The following WDFY4 variants were observed in gnomAD, a reference collection of about 807,000 sequenced individuals.
WDFY4 encodes WDFY family member 4.
A neutral mutation model predicts 351.9 loss-of-function variants in WDFY4; 169 were observed. The observed-to-expected ratio is 0.48, with a 90% CI of 0.42 to 0.55. WDFY4 has a LOEUF of 0.55. WDFY4 is among the 20% of genes least tolerant of loss of function. WDFY4 has a pLI of 0.00. For missense variants in WDFY4, 3,803 were observed against 3,935.6 expected (o/e 0.97, Z 0.90); for synonymous variants, 1,622 against 1,574.6 (o/e 1.03, Z -0.71).
At chr10:48,819,154 A>G (rs1254156748) in intron 32 of WDFY4, among the ~76,000 whole-genome samples, 1 of 152,192 alleles carries the variant, frequency 6.6e-6, no homozygotes, top group African/African-American at 2.4e-5. Context: ...TCTGGCCCAG[A>G]GTCACATCCC....
In WDFY4 at chr10:48,812,618, C is replaced by T. The variant is rs193102187; in HGVS notation, c.5214+910C>T. Among the ~76,000 whole-genome samples the T allele has an allele frequency of 1.9e-3, 287 of 152,316 alleles. 1 individual carries two copies. The highest frequency in any genetic ancestry group is 2.0e-3 in the Non-Finnish European group (135 of 68,020). ...CCTTGATAACACTCCTGACCAAATG[C>T]TGCCTATTGATCACTTTCCTATCCT... is the stretch of plus-strand genomic sequence containing the variant. On this transcript the variant is annotated intron_variant, in intron 30 of 61. Transcript: ENST00000325239.
chr10:48,811,313 G>A (rs192119704), intron 29 of WDFY4, among the ~76,000 whole-genome samples: 29 of 152,314 alleles, frequency 1.9e-4, no homozygotes, highest in African/African-American at 6.7e-4. Flanking sequence ...CCTCCTACAT[G>A]GTGGGCAGCA....
Position 48,727,666 on chromosome 10 carries a change from G to A in WDFY4, c.971+7G>A. ...TGCTCAAAGTGTTACTTCGGTAAGTGGCTGTGTTTGGTACGGGGAGAGCAC... is the reference window on the plus strand; with the variant it reads ...TGCTCAAAGTGTTACTTCGGTAAGTAGCTGTGTTTGGTACGGGGAGAGCAC... On this transcript the variant is annotated splice_region_variant and intron_variant, in intron 7 of 61. Coordinates refer to ENST00000325239, the MANE Select transcript of WDFY4 (RefSeq NM_001394531.1). 5.8e-6 allele frequency: 9 copies of A among 1,551,770 alleles called. No homozygotes were observed. The highest frequency in any genetic ancestry group is 7.8e-6 in the Non-Finnish European group (9 of 1,146,926).
Position 48,834,026 on chromosome 10 carries a change from G to A in WDFY4, c.6663+1317G>A, listed in dbSNP as rs112913118. ...AGGGCCTAGAAAGAGTCCAGACATAGAAGGGAAGTCCAGAAATGAATGGCT... is the reference window on the plus strand; with the variant it reads ...AGGGCCTAGAAAGAGTCCAGACATAAAAGGGAAGTCCAGAAATGAATGGCT... On this transcript the variant is annotated intron_variant, in intron 39 of 61. Coordinates refer to ENST00000325239, the MANE Select transcript of WDFY4 (RefSeq NM_001394531.1). Among the ~76,000 whole-genome samples the A allele has an allele frequency of 2.8e-3, 422 of 152,346 alleles. 2 individuals carry two copies. Among genetic ancestry groups the A allele is most frequent in the Non-Finnish European group, 4.7e-3 (322 of 68,038 alleles).
intron 35 of WDFY4, among the ~76,000 whole-genome samples, chr10:48,825,421 C>T (rs917849203): frequency 2.6e-5 from 4 of 152,126 alleles, no homozygotes; most frequent in African/African-American, 4.8e-5. Context: ...AATGAACATA[C>T]GCGTGCATGT....
At chr10:48,833,249 T>G in intron 39 of WDFY4, among the ~76,000 whole-genome samples, 1 of 149,520 alleles carries the variant, frequency 6.7e-6, no homozygotes. Flanking sequence ...GGGGGACAGG[T>G]TATCTCTGCC....
intron 19 of WDFY4, among the ~76,000 whole-genome samples, chr10:48,785,103 G>A (rs965230065): frequency 5.9e-5 from 9 of 151,854 alleles, no homozygotes; most frequent in Non-Finnish European, 8.8e-5. Context: ...CTCGTGATCC[G>A]CCTGCCTCGG....
At chr10:48,927,172 C>T (rs1488853201) in intron 47 of WDFY4, among the ~76,000 whole-genome samples, 1 of 152,158 alleles carries the variant, frequency 6.6e-6, no homozygotes, top group Admixed American at 6.5e-5. Context: ...AGTACTTCTG[C>T]TGTTGCCAAA....
At chr10:48,876,006 T>A (rs2069988841) in intron 42 of WDFY4, among the ~76,000 whole-genome samples, 1 of 152,222 alleles carries the variant, frequency 6.6e-6, no homozygotes, top group Non-Finnish European at 1.5e-5. Context: ...GTGGAAAGCA[T>A]GAACTGATCT....
intron 44 of WDFY4, among the ~76,000 whole-genome samples, chr10:48,891,892 G>A (rs947749782): frequency 2.6e-5 from 4 of 152,312 alleles, no homozygotes; most frequent in Middle Eastern, 3.4e-3. Context: ...GAAGGAGTGC[G>A]GAAGAGTAGA....
intron 1 of WDFY4, among the ~76,000 whole-genome samples, chr10:48,701,906 G>C (rs1379359134): frequency 1.3e-5 from 2 of 152,148 alleles, no homozygotes; most frequent in East Asian, 3.8e-4. Flanking sequence ...TGATTAAATA[G>C]AGATTTCCAT....
rs142584147 is a variant in WDFY4 at position 48,959,777 on chromosome 10, T to C, written c.8187T>C (p.Asp2729=). ...ACGTGCAGCTCCCTCCCTGGGCTGA[T>C]GGGGACCCTCGGAAATTCATCAGCC... is the stretch of plus-strand genomic sequence containing the variant. ...LGDVQLPPWA[D]GDPRKFISLH... is the part of the protein sequence containing the mutation. The change falls in exon 53 of 62, where the codon GAT becomes GAC. Residue 2729 remains aspartate (D), a synonymous_variant. Transcript: ENST00000325239. 5.2e-6 allele frequency: 8 copies of C among 1,551,354 alleles called. No homozygotes were observed. Among genetic ancestry groups the C allele is most frequent in the African/African-American group, 4.1e-5 (3 of 73,130 alleles).
At chr10:48,796,508 A>T in intron 24 of WDFY4, 58 bp downstream of exon 24, 2 of 1,516,996 alleles carry the variant, frequency 1.3e-6, no homozygotes, top group South Asian at 2.5e-5. Context: ...AAATATGCTA[A>T]GTCTGGGCTT....
intron 8 of WDFY4, 117 bp from the exon 9 acceptor site, chr10:48,730,993 C>T (rs2064440580): frequency 7.8e-6 from 9 of 1,152,040 alleles, no homozygotes; most frequent in Admixed American, 2.9e-5. Flanking sequence ...GACATGTGCC[C>T]ATAGGAGTTA....
At chr10:48,756,591 G>A (rs2065344698) in intron 12 of WDFY4, among the ~76,000 whole-genome samples, 1 of 151,934 alleles carries the variant, frequency 6.6e-6, no homozygotes, top group African/African-American at 2.4e-5. Context: ...TATAACATCA[G>A]CTATGGGAAT....
chr10:48,957,356 C>T (rs1337515878), intron 52 of WDFY4, 74 bp downstream of exon 52: 21 of 1,506,924 alleles, frequency 1.4e-5, no homozygotes, highest in Admixed American at 6.0e-5. Flanking sequence ...GGGTGATGAC[C>T]AACATCATCT....
chr10:48,955,259 C>G (rs1841530178), intron 51 of WDFY4, among the ~76,000 whole-genome samples: 1 of 152,210 alleles, frequency 6.6e-6, no homozygotes, highest in South Asian at 2.1e-4. Context: ...CAACCAAGAG[C>G]AAAGCGACCT....
In WDFY4 at chr10:48,787,807, C is replaced by CTCCTCTTCTTCTTCTTCTTCTTCT. The variant is rs796166984; in HGVS notation, c.3809-721_3809-720insCTCTTCTTCTTCTTCTTCTTCTTC. Among the ~76,000 whole-genome samples, 175 of 76,740 alleles carry CTCCTCTTCTTCTTCTTCTTCTTCT rather than the reference C, an allele frequency of 2.3e-3. 20 individuals are homozygous for CTCCTCTTCTTCTTCTTCTTCTTCT. Among genetic ancestry groups the CTCCTCTTCTTCTTCTTCTTCTTCT allele is most frequent in the East Asian group, 5.7e-3 (13 of 2,284 alleles). The allele number at this position is 76,740 out of a possible 152,430, so 50.3% of individuals were successfully genotyped here. A position where few individuals can be genotyped will look rare whatever the true frequency, so the allele number is the denominator to read the frequency against. ...CCTCTTCCTCCTCCTCCTCCTCCTC[C>CTCCTCTTCTTCTTCTTCTTCTTCT]TCTTCTTCTTCTTCTTCTTCTTCTT... On this transcript the variant is annotated intron_variant, in intron 20 of 61. Coordinates refer to ENST00000325239, the MANE Select transcript of WDFY4 (RefSeq NM_001394531.1).
At chr10:48,787,807 C>CTCCTCCTCCTCTTCTTCT (rs796166984) in intron 20 of WDFY4, among the ~76,000 whole-genome samples, 1 of 76,682 alleles carries the variant, frequency 1.3e-5, no homozygotes, top group South Asian at 5.0e-4. Flanking sequence ...CCTCCTCCTC[C>CTCCTCCTCCTCTTCTTCT]TCTTCTTCTT....
Sources: gnomAD v4.1 joint callset for allele counts (sites outside exome capture counted in the v4.1 genomes callset) on GRCh38, gnomAD v4.1.1 for gene constraint, MANE v1.5 for transcripts, NCBI Gene and HGNC (gene_info 2026-07-23, HGNC 2026-07-21) for gene names.